The following SHROOM2 variants were observed in gnomAD, a reference collection of about 807,000 sequenced individuals.
The protein encoded by SHROOM2 is shroom family member 2.
A neutral mutation model predicts 75.9 loss-of-function variants in SHROOM2; 33 were observed. The observed-to-expected ratio is 0.43, with a 90% CI of 0.33 to 0.58. The LOEUF (loss-of-function observed/expected upper bound fraction) is 0.58. Ranked by LOEUF, SHROOM2 falls within the 20% of genes least tolerant of loss-of-function variation. The pLI is 0.04. For synonymous variants in SHROOM2, 655 were observed against 663.6 expected (o/e 0.99, Z 0.20); for missense variants, 1,434 against 1,461.2 (o/e 0.98, Z 0.30).
chrX:9,819,057 T>C, intron 1 of SHROOM2: 1 of 1,156,117 alleles, frequency 8.6e-7, no homozygotes, highest in Admixed American at 2.2e-5. Context: ...TGTACCACTG[T>C]CACTATTCTC....
intron 5 of SHROOM2, chrX:9,913,197 A>G (rs1241526467): frequency 8.9e-6 from 1 of 112,472 alleles, no homozygotes; most frequent in Non-Finnish European, 1.9e-5. Context: ...CTCACTACAC[A>G]GGCATTGAAT....
At chrX:9,827,997 A>G (rs1302356214) in intron 1 of SHROOM2, among the ~76,000 whole-genome samples, 1 of 112,345 alleles carries the variant, frequency 8.9e-6, no homozygotes, top group Non-Finnish European at 1.9e-5. Context: ...CTTTAAGGGC[A>G]GGGTTTCACA....
At chrX:9,860,178 G>A (rs1258637672) in intron 1 of SHROOM2, among the ~76,000 whole-genome samples, 1 of 111,800 alleles carries the variant, frequency 8.9e-6, no homozygotes, top group East Asian at 2.8e-4. Context: ...ATGCTGCTGA[G>A]TCCCCTGCAA....
chrX:9,914,197 T>C (rs2084464035), intron 5 of SHROOM2, among the ~76,000 whole-genome samples: 1 of 107,381 alleles, frequency 9.3e-6, no homozygotes, highest in Non-Finnish European at 1.9e-5. Flanking sequence ...TACAGAGTGC[T>C]AGGAATAACC....
intron 2 of SHROOM2, 146 bp from the exon 3 acceptor site, chrX:9,890,831 C>A: frequency 1.9e-6 from 1 of 531,411 alleles, no homozygotes; most frequent in Non-Finnish European, 2.9e-6. Flanking sequence ...AGCGCACGTG[C>A]GCTGTGTGCG....
intron 1 of SHROOM2, among the ~76,000 whole-genome samples, chrX:9,857,130 G>A (rs1011358630): frequency 8.9e-6 from 1 of 112,754 alleles, no homozygotes; most frequent in Non-Finnish European, 1.9e-5. Flanking sequence ...GGACACGAAG[G>A]TGACATGCTA....
intron 1 of SHROOM2, among the ~76,000 whole-genome samples, chrX:9,811,240 G>A (rs767201094): frequency 4.7e-4 from 53 of 111,961 alleles, no homozygotes; most frequent in African/African-American, 1.7e-3. Context: ...TGGGTACCCA[G>A]CAGTGGCCAT....
At chrX:9,943,548 G>A (rs1306582682) in intron 8 of SHROOM2, among the ~76,000 whole-genome samples, 1 of 111,737 alleles carries the variant, frequency 8.9e-6, no homozygotes, top group Admixed American at 9.5e-5. Flanking sequence ...TGGTGGGAAA[G>A]GGCATAGAGT....
intron 4 of SHROOM2, among the ~76,000 whole-genome samples, chrX:9,897,679 T>C (rs1601976266): frequency 1.0e-4 from 1 of 9,754 alleles, no homozygotes; most frequent in African/African-American, 2.3e-4. Context: ...AGACCCTGTC[T>C]CAAAAAAAAA....
intron 8 of SHROOM2, among the ~76,000 whole-genome samples, chrX:9,941,971 CAAAAAA>C (rs56088322): frequency 0.23 from 12,281 of 54,111 alleles, 789 homozygotes; most frequent in South Asian, 0.27. Context: ...GACTCCGTCT[CAAAAAA>C]AAAAAAAAAA....
chrX:9,793,868 C>T (rs981376300), intron 1 of SHROOM2, among the ~76,000 whole-genome samples: 2 of 110,246 alleles, frequency 1.8e-5, no homozygotes, highest in African/African-American at 6.6e-5. Context: ...CCTCAGCCTC[C>T]TGAGTAGCTG....
At chrX:9,804,971 A>C (rs969783212) in intron 1 of SHROOM2, among the ~76,000 whole-genome samples, 1 of 110,834 alleles carries the variant, frequency 9.0e-6, no homozygotes, top group Non-Finnish European at 1.9e-5. Context: ...ACAGTGGCTC[A>C]TATCTGTAAT....
chrX:9,849,590 G>A (rs755970446), intron 1 of SHROOM2, among the ~76,000 whole-genome samples: 34 of 111,309 alleles, frequency 3.1e-4, no homozygotes, highest in African/African-American at 9.8e-4. Context: ...TTTACACGTC[G>A]CCTTAGAGCA....
rs1460297636 is a variant in SHROOM2, at chrX:9,786,674, C to T, written c.129C>T (p.Gly43=). ...CCCCGTGGGGCTTCACCCTGAAGGG[C>T]GGCCGCGAGCACGGCGAGCCGCTGG... The part of the protein sequence containing the change: ...GGAPWGFTLK[G]GREHGEPLVI... Residue 43 remains glycine, a synonymous_variant, in exon 1 of 10, where the codon GGC becomes GGT. Coordinates refer to ENST00000380913, the MANE Select transcript of SHROOM2 (RefSeq NM_001649.4). 2.3e-4 allele frequency: 205 copies of T among 887,705 alleles called. No homozygotes were observed. In the East Asian group the frequency reaches 9.7e-3, roughly 42 times the overall value. 73.2% of individuals were successfully genotyped at this position (887,705 alleles called of 1,213,427 possible). A position where few individuals can be genotyped will look rare whatever the true frequency, so the allele number is the denominator to read the frequency against.
At chrX:9,844,268 T>C (rs1288370750) in intron 1 of SHROOM2, among the ~76,000 whole-genome samples, 3 of 111,482 alleles carry the variant, frequency 2.7e-5, no homozygotes, top group African/African-American at 6.5e-5. Context: ...TCCCAACACA[T>C]TGAGAGGCCA....
At chrX:9,879,410 G>T (rs2084219448) in intron 2 of SHROOM2, among the ~76,000 whole-genome samples, 1 of 111,469 alleles carries the variant, frequency 9.0e-6, no homozygotes, top group Non-Finnish European at 1.9e-5. Context: ...ACAGGCGTGT[G>T]CCACCACACC....
chrX:9,917,446 A>G (rs2084500137), intron 5 of SHROOM2, among the ~76,000 whole-genome samples: 1 of 112,629 alleles, frequency 8.9e-6, no homozygotes, highest in African/African-American at 3.2e-5. Context: ...AAACATATGT[A>G]GAAACACGTT....
intron 1 of SHROOM2, among the ~76,000 whole-genome samples, chrX:9,859,869 C>G (rs1354997341): frequency 9.0e-6 from 1 of 111,064 alleles, no homozygotes; most frequent in Non-Finnish European, 1.9e-5. Flanking sequence ...CTGCTAGAGG[C>G]GAGAGAGAAG....
At chrX:9,918,953 T>G (rs1268080395) in intron 5 of SHROOM2, among the ~76,000 whole-genome samples, 11 of 112,093 alleles carry the variant, frequency 9.8e-5, no homozygotes, top group Admixed American at 7.6e-4. Context: ...AACATAAATG[T>G]GAATGGCTGA....
Sources: allele counts gnomAD v4.1 joint callset (sites outside exome capture counted in the v4.1 genomes callset), GRCh38; gene constraint gnomAD v4.1.1; transcripts MANE v1.5; gene names NCBI Gene and HGNC (gene_info 2026-07-23, HGNC 2026-07-21).